Variants in FOCAD observed in about 807,000 individuals in gnomAD.
FOCAD encodes focadhesin, also known as KIAA1797.
Under a neutral mutation model 225.6 loss-of-function variants are expected in FOCAD, and 198 were observed. The ratio of observed to expected loss-of-function variants is 0.88; its 90% CI spans 0.78 to 0.99. The LOEUF (loss-of-function observed/expected upper bound fraction) is 0.99. FOCAD is among the 50% of genes least tolerant of loss of function. The pLI is 0.00. For synonymous variants in FOCAD, 897 were observed against 755.0 expected (o/e 1.19, Z -3.08); for missense variants, 2,713 against 2,123.6 (o/e 1.28, Z -5.46).
intron 39 of FOCAD, among the ~76,000 whole-genome samples, chr9:20,983,830 A>T (rs1840925376): frequency 6.6e-6 from 1 of 152,170 alleles, no homozygotes; most frequent in Non-Finnish European, 1.5e-5. Flanking sequence ...TCAGTGAGTT[A>T]GTCCATGTTG....
At chr9:20,695,609 G>C (rs369949517) in intron 1 of FOCAD, among the ~76,000 whole-genome samples, 2 of 152,154 alleles carry the variant, frequency 1.3e-5, no homozygotes, top group Admixed American at 1.3e-4. Context: ...ATATGAAATG[G>C]AATGGACAAC....
intron 21 of FOCAD, among the ~76,000 whole-genome samples, chr9:20,902,774 C>A (rs1015883522): frequency 2.0e-5 from 3 of 151,516 alleles, no homozygotes; most frequent in African/African-American, 7.3e-5. Context: ...AGGGAGATTC[C>A]CAAGATAAAT....
intron 37 of FOCAD, among the ~76,000 whole-genome samples, chr9:20,979,478 A>G (rs771976539): frequency 3.3e-5 from 5 of 152,114 alleles, no homozygotes; most frequent in Non-Finnish European, 7.4e-5. Context: ...AGCTGGGACT[A>G]TAGGTGTGCA....
At chr9:20,832,168 G>T (rs891683199) in intron 15 of FOCAD, among the ~76,000 whole-genome samples, 1 of 151,922 alleles carries the variant, frequency 6.6e-6, no homozygotes, top group Non-Finnish European at 1.5e-5. Flanking sequence ...TCATGTCAAC[G>T]TATGAGTTTC....
chr9:20,943,087 C>T (rs1415336773), intron 28 of FOCAD, among the ~76,000 whole-genome samples: 1 of 152,132 alleles, frequency 6.6e-6, no homozygotes, highest in East Asian at 1.9e-4. Context: ...AAAAACTTCC[C>T]TGTAGATTCT....
At chr9:20,815,137 G>T (rs10964726) in intron 11 of FOCAD, among the ~76,000 whole-genome samples, 23,602 of 68,458 alleles carry the variant, frequency 0.34, 3,772 homozygotes, top group Middle Eastern at 0.4. Context: ...TTTTTTTTTT[G>T]TTTTTTTTTT....
At chr9:20,888,073 T>C (rs1438092252) in intron 21 of FOCAD, among the ~76,000 whole-genome samples, 1 of 150,420 alleles carries the variant, frequency 6.6e-6, no homozygotes, top group Admixed American at 6.6e-5. Context: ...TTATATATTC[T>C]GGATATTTTT....
intron 35 of FOCAD, among the ~76,000 whole-genome samples, chr9:20,970,480 T>C (rs1839670888): frequency 6.6e-6 from 1 of 152,142 alleles, no homozygotes; most frequent in Non-Finnish European, 1.5e-5. Context: ...TAGTGAGTTT[T>C]TCATTGCAGT....
chr9:20,673,856 G>A (rs1822151777), intron 2 of FOCAD, among the ~76,000 whole-genome samples: 1 of 152,194 alleles, frequency 6.6e-6, no homozygotes, highest in Admixed American at 6.5e-5. Flanking sequence ...ACAGGCGTGA[G>A]CCACCATGCC....
chr9:20,789,318 C>T (rs766076811), intron 10 of FOCAD, 33 bp from the exon 11 acceptor site: 16 of 1,593,790 alleles, frequency 1.0e-5, no homozygotes, highest in Middle Eastern at 1.7e-4. Context: ...ATTTATCTCA[C>T]TTATTTATGC....
At chr9:20,659,203 G>T (rs1458691127) in intron 2 of FOCAD, among the ~76,000 whole-genome samples, 1 of 151,976 alleles carries the variant, frequency 6.6e-6, no homozygotes, top group South Asian at 2.1e-4. Flanking sequence ...CTAGGGAACA[G>T]AGTGAGACTC....
At chr9:20,846,700 T>C (rs1438479450) in intron 15 of FOCAD, among the ~76,000 whole-genome samples, 1 of 152,128 alleles carries the variant, frequency 6.6e-6, no homozygotes, top group Non-Finnish European at 1.5e-5. Flanking sequence ...CATGTAAGTT[T>C]AATTCTAATG....
rs141656806 is a variant in FOCAD, at chr9:20,938,644, G to A, written c.3407+5541G>A. Among the ~76,000 whole-genome samples the A allele has an allele frequency of 1.6e-4, 24 of 152,090 alleles. No homozygotes were observed. The East Asian group carries it at 2.5e-3, about 16-fold the overall frequency. On this transcript the variant is annotated intron_variant, in intron 28 of 43. Transcript: ENST00000338382. ...ACCTAATGTTAAATGACAAGTTAATGGGTACAGCACACCAATATGGCACCT... is the reference window on the plus strand; with the variant it reads ...ACCTAATGTTAAATGACAAGTTAATAGGTACAGCACACCAATATGGCACCT...
chr9:20,793,183 A>G (rs909837121), intron 11 of FOCAD, among the ~76,000 whole-genome samples: 3 of 152,218 alleles, frequency 2.0e-5, no homozygotes, highest in African/African-American at 7.2e-5. Flanking sequence ...CCTGGTAACC[A>G]TAGCATCGAT....
At chr9:20,938,984 A>G (rs1421522803) in intron 28 of FOCAD, among the ~76,000 whole-genome samples, 9 of 151,576 alleles carry the variant, frequency 5.9e-5, no homozygotes, top group Non-Finnish European at 8.8e-5. Flanking sequence ...AATTGAAAAA[A>G]AAATACAGAA....
chr9:20,752,400 A>G (rs976814370), intron 5 of FOCAD, among the ~76,000 whole-genome samples: 5 of 151,974 alleles, frequency 3.3e-5, no homozygotes. Context: ...TCCCAGCACC[A>G]TTTATTAAAT....
In FOCAD at chr9:20,770,290, T is replaced by TAA; in HGVS notation, c.906+52_906+53insAA. On this transcript the variant is annotated intron_variant, in intron 8 of 43. Transcript: ENST00000338382. ...TCATGCATTGCTATTAAGAAATACCTGAGACTTGGTAATTTATAAAGAAAT... is the reference window on the plus strand; with the variant it reads ...TCATGCATTGCTATTAAGAAATACCTAAGAGACTTGGTAATTTATAAAGAAAT... 8.2e-6 allele frequency: 12 copies of TAA among 1,462,420 alleles called. No individual in the cohort carries two copies. The South Asian group carries it at 1.4e-4, about 17-fold the overall frequency. The allele number at this position is 1,462,420 out of a possible 1,614,324, so 90.6% of individuals were successfully genotyped here.
At chr9:20,658,308 A>C (rs1196386551), upstream of FOCAD, 1 of 162,826 alleles carries the variant, frequency 6.1e-6, no homozygotes, top group African/African-American at 2.4e-5. Context: ...GGCTCCGCCC[A>C]GTTCGAGCTT....
chr9:20,986,152 TG>T, intron 39 of FOCAD, 135 bp from the exon 40 acceptor site: 2 of 756,458 alleles, frequency 2.6e-6, no homozygotes, highest in Non-Finnish European at 3.9e-6. Flanking sequence ...CACAGGCAGA[TG>T]GGTCATGTGC....
Sources: allele counts gnomAD v4.1 joint callset (sites outside exome capture counted in the v4.1 genomes callset), GRCh38; gene constraint gnomAD v4.1.1; transcripts MANE v1.5; gene names NCBI Gene and HGNC (gene_info 2026-07-23, HGNC 2026-07-21).